Variants in GAB2 observed in about 807,000 individuals in gnomAD.
GAB2 encodes the protein GRB2 associated binding protein 2, also known as GRB2-associated-binding protein 2.
GAB2 carries 26 observed loss-of-function variants against 65.5 expected under a neutral mutation model. That is an observed-to-expected ratio of 0.40 (90% CI 0.29 to 0.55). The LOEUF is 0.55. GAB2 is among the 20% of genes least tolerant of loss of function. GAB2 has a pLI of 0.53. For synonymous variants in GAB2, 321 were observed against 329.6 expected (o/e 0.97, Z 0.28); for missense variants, 884 against 875.8 (o/e 1.01, Z -0.12).
intron 1 of GAB2, among the ~76,000 whole-genome samples, chr11:78,357,798 G>T (rs940703483): frequency 6.6e-6 from 1 of 152,206 alleles, no homozygotes; most frequent in Non-Finnish European, 1.5e-5. Context: ...GGAAACAACA[G>T]GTGCTGGAGA....
chr11:78,383,571 C>G (rs899199584), intron 1 of GAB2, among the ~76,000 whole-genome samples: 1 of 99,366 alleles, frequency 1.0e-5, no homozygotes, highest in Non-Finnish European at 2.0e-5. Context: ...ATGGCAAAAC[C>G]CTGTCTCTCC....
chr11:78,329,409 G>T (rs2134674822), intron 1 of GAB2, among the ~76,000 whole-genome samples: 1 of 152,122 alleles, frequency 6.6e-6, no homozygotes, highest in African/African-American at 2.4e-5. Flanking sequence ...TCTCATCTGT[G>T]TTCCTTTTAG....
chr11:78,375,659 G>C (rs530191161), intron 1 of GAB2, among the ~76,000 whole-genome samples: 1 of 151,860 alleles, frequency 6.6e-6, no homozygotes, highest in South Asian at 2.1e-4. Context: ...GTAGTAATCT[G>C]AGCTGAACTA....
rs557134720 is a variant in GAB2, at chr11:78,291,193, C to T, written c.76-10292G>A. On this transcript the variant is annotated intron_variant, in intron 1 of 9. Coordinates refer to ENST00000361507, the MANE Select transcript of GAB2 (RefSeq NM_080491.3). ...CAAGGCTGGGCGTGGTGGCTCACGTCTGTAATCCCAGCATTTTGAGAGGCC... is the reference window on the plus strand; with the variant it reads ...CAAGGCTGGGCGTGGTGGCTCACGTTTGTAATCCCAGCATTTTGAGAGGCC... Among the ~76,000 whole-genome samples, 11 of 149,476 alleles carry T rather than the reference C, an allele frequency of 7.4e-5. No individual in the cohort carries two copies. In the East Asian group the frequency reaches 2.2e-3, roughly 30 times the overall value.
In GAB2 at chr11:78,226,816, C is replaced by T. The variant is rs199954922; in HGVS notation, c.856G>A (p.Glu286Lys). 1.4e-5 allele frequency: 22 copies of T among 1,614,098 alleles called. No individual in the cohort carries two copies. The highest frequency in any genetic ancestry group is 3.3e-5 in the South Asian group (3 of 91,080). The change falls in exon 4 of 10, where the codon GAG (glutamate) becomes AAG (lysine). Residue 286 changes from glutamate (E) to lysine (K), a missense_variant. Coordinates refer to ENST00000361507, the MANE Select transcript of GAB2 (RefSeq NM_080491.3). ...GTGTACACATCCTCATTATCTGTCTCGGAGCCTGTGAGGCTGCCCTTGGTG... is the reference window on the plus strand; with the variant it reads ...GTGTACACATCCTCATTATCTGTCTTGGAGCCTGTGAGGCTGCCCTTGGTG... Reference protein sequence around the residue: ...GHTKGSLTGSETDNEDVYTFK... With the variant: ...GHTKGSLTGSKTDNEDVYTFK...
At chr11:78,290,007 C>T (rs1029060784) in intron 1 of GAB2, among the ~76,000 whole-genome samples, 7 of 151,718 alleles carry the variant, frequency 4.6e-5, no homozygotes, top group Non-Finnish European at 1.0e-4. Context: ...TTCATCTTTC[C>T]TTTATTTGTA....
intron 1 of GAB2, among the ~76,000 whole-genome samples, chr11:78,396,655 T>G (rs113231401): frequency 0.028 from 4,192 of 152,096 alleles, 164 homozygotes; most frequent in African/African-American, 0.089. Flanking sequence ...TTGTCCAGGC[T>G]GGAGTGCTCT....
chr11:78,233,611 C>CTT (rs61190838), intron 3 of GAB2, among the ~76,000 whole-genome samples: 7 of 151,350 alleles, frequency 4.6e-5, no homozygotes, highest in African/African-American at 1.7e-4. Flanking sequence ...TGTGATTTGT[C>CTT]TTTTTTTTTG....
At position 78,215,716 on chromosome 11, in the gene GAB2, G is replaced by T. The variant is rs1864090567; in HGVS notation, c.*3556C>A. 6.6e-6 allele frequency: 1 copy of T among 152,368 alleles called. No homozygotes were observed. Among genetic ancestry groups the T allele is most frequent in the South Asian group, 2.1e-4 (1 of 4,828 alleles). 9.4% of individuals were successfully genotyped at this position (152,368 alleles called of 1,614,324 possible). ...GATCTCTTGGGGACCCCCTCGGCAGGTACCCCATTGTGGTCCCAGGTCCTA... is the reference window on the plus strand; with the variant it reads ...GATCTCTTGGGGACCCCCTCGGCAGTTACCCCATTGTGGTCCCAGGTCCTA... On this transcript the variant is annotated 3_prime_UTR_variant, in exon 10 of 10. Coordinates refer to ENST00000361507, the MANE Select transcript of GAB2 (RefSeq NM_080491.3).
intron 2 of GAB2, among the ~76,000 whole-genome samples, chr11:78,265,400 G>A (rs986314226): frequency 6.6e-6 from 1 of 151,952 alleles, no homozygotes; most frequent in Non-Finnish European, 1.5e-5. Flanking sequence ...TGTCATTTGA[G>A]CAGTTTGGAA....
At chr11:78,323,512 C>T (rs1336106810) in intron 1 of GAB2, among the ~76,000 whole-genome samples, 1 of 150,580 alleles carries the variant, frequency 6.6e-6, no homozygotes, top group East Asian at 2.0e-4. Context: ...TCCGTCTCCC[C>T]AATTCAAAAA....
chr11:78,391,895 A>G (rs554825934), intron 1 of GAB2, among the ~76,000 whole-genome samples: 1 of 152,232 alleles, frequency 6.6e-6, no homozygotes, highest in South Asian at 2.1e-4. Context: ...TCGTGAAGCC[A>G]AAGAAACTGG....
intron 1 of GAB2, among the ~76,000 whole-genome samples, chr11:78,296,557 C>T (rs1305017918): frequency 6.6e-6 from 1 of 152,048 alleles, no homozygotes; most frequent in East Asian, 1.9e-4. Flanking sequence ...AAATCACCAA[C>T]AAAAAGCACA....
At chr11:78,407,681 G>T (rs1394414227) in intron 1 of GAB2, among the ~76,000 whole-genome samples, 1 of 140,912 alleles carries the variant, frequency 7.1e-6, no homozygotes, top group Non-Finnish European at 1.6e-5. Flanking sequence ...AAGAAAGAAA[G>T]AAAGAAAGAA....
chr11:78,304,767 C>G (rs1220424731), intron 1 of GAB2, among the ~76,000 whole-genome samples: 3 of 152,264 alleles, frequency 2.0e-5, no homozygotes, highest in African/African-American at 7.2e-5. Context: ...AAAGCACTGT[C>G]CTACAGTGCC....
At chr11:78,243,681 A>C (rs1292871291) in intron 3 of GAB2, among the ~76,000 whole-genome samples, 1 of 148,442 alleles carries the variant, frequency 6.7e-6, no homozygotes, top group Non-Finnish European at 1.5e-5. Flanking sequence ...TCTACTAAAA[A>C]TACAAAAAAA....
At chr11:78,276,144 A>G (rs978603719) in intron 2 of GAB2, among the ~76,000 whole-genome samples, 16 of 151,352 alleles carry the variant, frequency 1.1e-4, no homozygotes, top group Non-Finnish European at 1.8e-4. Flanking sequence ...AGAAAAGAAT[A>G]TATTTCCTAG....
At chr11:78,290,251 G>C in intron 1 of GAB2, among the ~76,000 whole-genome samples, 1 of 152,326 alleles carries the variant, frequency 6.6e-6, no homozygotes, top group South Asian at 2.1e-4. Context: ...GGGGCTTAAA[G>C]AAGTATATGG....
At chr11:78,278,951 C>T (rs778547316) in intron 2 of GAB2, among the ~76,000 whole-genome samples, 4 of 151,864 alleles carry the variant, frequency 2.6e-5, no homozygotes, top group Admixed American at 6.6e-5. Context: ...ACTCTAGTCT[C>T]GCTATGCTGC....
Sources: allele counts gnomAD v4.1 joint callset (sites outside exome capture counted in the v4.1 genomes callset), GRCh38; gene constraint gnomAD v4.1.1; transcripts MANE v1.5; gene names NCBI Gene and HGNC (gene_info 2026-07-23, HGNC 2026-07-21).